Variants in DHX35 observed in about 807,000 individuals in gnomAD.
DHX35 encodes probable ATP-dependent RNA helicase DHX35.
Under a neutral mutation model 99.6 loss-of-function variants are expected in DHX35, and 84 were observed. That is an observed-to-expected ratio of 0.84 (90% CI 0.71 to 1.01). The LOEUF is 1.01. Ranked by LOEUF, DHX35 falls within the 50% of genes least tolerant of loss-of-function variation. The pLI is 0.00. For missense variants in DHX35, 852 were observed against 888.5 expected (o/e 0.96, Z 0.52); for synonymous variants, 331 against 316.2 (o/e 1.05, Z -0.50).
At chr20:39,009,933 C>T (rs559897045) in intron 12 of DHX35, among the ~76,000 whole-genome samples, 1 of 152,184 alleles carries the variant, frequency 6.6e-6, no homozygotes, top group Admixed American at 6.5e-5. Flanking sequence ...GAAGCTCTTG[C>T]TTCCTTGACT....
intron 21 of DHX35, among the ~76,000 whole-genome samples, chr20:39,035,512 C>G (rs2087136017): frequency 6.6e-6 from 1 of 152,226 alleles, no homozygotes; most frequent in South Asian, 2.1e-4. Context: ...AATTGGACTA[C>G]ACAATGTTTC....
intron 15 of DHX35, 91 bp downstream of exon 15, chr20:39,018,990 C>A: frequency 1.7e-6 from 2 of 1,146,118 alleles, no homozygotes; most frequent in Non-Finnish European, 2.6e-6. Context: ...GAAGAGGGTA[C>A]AATATGGTAA....
In DHX35 at chr20:38,988,839, G is replaced by A; in HGVS notation, c.372G>A (p.Arg124=). 3.1e-6 allele frequency: 5 copies of A among 1,613,736 alleles called. No individual in the cohort carries two copies. The highest frequency in any genetic ancestry group is 2.5e-6 in the Non-Finnish European group (3 of 1,179,832). The part of the protein sequence containing the change: ...VTVAGRVAEE[R]GAVLGHEVGY... ...TTGCAGGGAGAGTAGCTGAAGAAAG[G>A]GGTGCAGTGCTGGGCCACGAGGTGG... Residue 124 remains arginine (R), a synonymous_variant, in exon 5 of 22, where the codon AGG becomes AGA. Transcript: ENST00000252011.
At position 39,030,765 on chromosome 20, in the gene DHX35, C is replaced by A; in HGVS notation, c.1945C>A (p.Pro649Thr). 6.2e-7 allele frequency: 1 copy of A among 1,614,144 alleles called. No homozygotes were observed. Among genetic ancestry groups the A allele is most frequent in the Non-Finnish European group, 8.5e-7 (1 of 1,180,020 alleles). ...TGCGTCAGTCCTCTATGCAGAGAAG[C>A]CGCCTCGCTGGTAAGCTCATCCTGC... ...HPASVLYAEK[P>T]PRWVIYNEVI... Residue 649 changes from proline to threonine, a missense_variant, in exon 20 of 22, where the codon CCG (proline) becomes ACG (threonine). Transcript: ENST00000252011.
intron 1 of DHX35, among the ~76,000 whole-genome samples, chr20:38,968,543 C>T (rs145665672): frequency 3.7e-4 from 56 of 152,038 alleles, no homozygotes; most frequent in African/African-American, 1.3e-3. Flanking sequence ...ACTGCCATCT[C>T]GTTTCTTTTT....
intron 16 of DHX35, 135 bp downstream of exon 16, chr20:39,022,070 C>A: frequency 2.6e-6 from 2 of 764,258 alleles, no homozygotes; most frequent in Non-Finnish European, 4.2e-6. Context: ...GTGTTTATTC[C>A]GTGCTTGATG....
chr20:39,013,130 GAA>G (rs371639509), intron 13 of DHX35, among the ~76,000 whole-genome samples: 3 of 147,544 alleles, frequency 2.0e-5, no homozygotes, highest in Non-Finnish European at 3.0e-5. Context: ...GTTGAAAAAT[GAA>G]AAAAAAAATA....
At chr20:39,034,077 G>A (rs925214463) in intron 20 of DHX35, 129 bp from the exon 21 acceptor site, 3 of 668,400 alleles carry the variant, frequency 4.5e-6, no homozygotes, top group African/African-American at 1.8e-5. Flanking sequence ...ATAAATGCAT[G>A]TGTTTAGCAC....
chr20:39,026,014 AAGG>A (rs942931341), intron 18 of DHX35, among the ~76,000 whole-genome samples: 34 of 152,188 alleles, frequency 2.2e-4, no homozygotes, highest in African/African-American at 8.2e-4. Context: ...CGCAACTGGT[AAGG>A]AGGAGAGCCA....
intron 21 of DHX35, 38 bp downstream of exon 21, chr20:39,034,355 C>G: frequency 1.3e-6 from 2 of 1,499,220 alleles, no homozygotes; most frequent in Non-Finnish European, 1.9e-6. Context: ...GCCACCTGTT[C>G]ACAGCCTCTC....
chr20:38,993,531 T>C (rs2086374274), intron 7 of DHX35, among the ~76,000 whole-genome samples: 1 of 152,180 alleles, frequency 6.6e-6, no homozygotes, highest in South Asian at 2.1e-4. Context: ...TGGCTAATTT[T>C]GTATTTTTAG....
intron 3 of DHX35, among the ~76,000 whole-genome samples, chr20:38,974,365 A>G (rs1311750125): frequency 1.3e-5 from 2 of 152,172 alleles, no homozygotes; most frequent in African/African-American, 4.8e-5. Flanking sequence ...GTCTGTAGAC[A>G]TTAGAAACTT....
Position 39,021,854 on chromosome 20 carries a change from T to TCC in DHX35, c.1512_1513insCC (p.Ser505ProfsTer6). 6.2e-7 allele frequency: 1 copy of TCC among 1,614,192 alleles called. No homozygotes were observed. Among genetic ancestry groups the TCC allele is most frequent in the East Asian group, 2.2e-5 (1 of 44,890 alleles). On this transcript the variant is annotated frameshift_variant, in exon 16 of 22. Coordinates refer to ENST00000252011, the MANE Select transcript of DHX35 (RefSeq NM_021931.4). LOFTEE classifies it high-confidence loss of function. Reference sequence around the variant, plus strand: ...TTTGTTTTACAGGAAACTTCGGCTGTTCTCAGGAAATTCTAAGCATCGCTG... The same window carrying TCC: ...TTTGTTTTACAGGAAACTTCGGCTGTCCTCTCAGGAAATTCTAAGCATCGCTG...
At chr20:38,998,273 A>G (rs572781890) in intron 8 of DHX35, among the ~76,000 whole-genome samples, 5 of 152,222 alleles carry the variant, frequency 3.3e-5, no homozygotes, top group Non-Finnish European at 7.3e-5. Context: ...TTTTTTTGTC[A>G]TAAGTCCAGC....
chr20:39,003,348 T>C (rs1361902389), intron 10 of DHX35, among the ~76,000 whole-genome samples: 2 of 152,248 alleles, frequency 1.3e-5, no homozygotes, highest in Non-Finnish European at 1.5e-5. Flanking sequence ...TCTTTTCCAC[T>C]GCCAAACACT....
chr20:39,037,923 G>A (rs1467487063), intron 21 of DHX35, among the ~76,000 whole-genome samples: 1 of 143,732 alleles, frequency 7.0e-6, no homozygotes, highest in Non-Finnish European at 1.5e-5. Context: ...GACATTTCTG[G>A]GGAAAAAAAA....
intron 1 of DHX35, among the ~76,000 whole-genome samples, chr20:38,965,099 GTGTTTTT>G (rs759588074): frequency 7.6e-6 from 1 of 130,992 alleles, no homozygotes; most frequent in South Asian, 2.3e-4. Context: ...CCAGGCATCA[GTGTTTTT>G]TAAAGTCTCT....
At chr20:38,984,517 C>A (rs1489103074) in intron 4 of DHX35, among the ~76,000 whole-genome samples, 7 of 152,076 alleles carry the variant, frequency 4.6e-5, no homozygotes, top group Admixed American at 4.6e-4. Context: ...GGAGTAGCGA[C>A]TGTACTTTGG....
At chr20:38,989,042 A>C in intron 5 of DHX35, 125 bp downstream of exon 5, 1 of 1,014,868 alleles carries the variant, frequency 9.9e-7, no homozygotes, top group Non-Finnish European at 1.4e-6. Context: ...GAAGAAAAGT[A>C]TCCTGACATT....
Sources: gnomAD v4.1 joint callset for allele counts (sites outside exome capture counted in the v4.1 genomes callset) on GRCh38, gnomAD v4.1.1 for gene constraint, MANE v1.5 for transcripts, NCBI Gene and HGNC (gene_info 2026-07-23, HGNC 2026-07-21) for gene names.